CHAC2: variants seen among roughly 807,000 people sequenced by gnomAD.
CHAC2 encodes glutathione-specific gamma-glutamylcyclotransferase 2.
In CHAC2, 20 loss-of-function variants were observed where a neutral mutation model predicts 16.9. The ratio of observed to expected loss-of-function variants is 1.18; its 90% CI spans 0.83 to 1.72. The LOEUF (loss-of-function observed/expected upper bound fraction) is 1.72. Among genes scored for constraint, CHAC2 ranks in the 40% most tolerant of loss-of-function variants. The probability of loss-of-function intolerance (pLI) is 0.00; values close to 1 mark genes in which losing one functional copy is unlikely to be tolerated. For synonymous variants in CHAC2, 91 were observed against 77.3 expected (o/e 1.18, Z -0.93); for missense variants, 269 against 222.2 (o/e 1.21, Z -1.34).
Position 53,770,333 on chromosome 2 carries a change from T to C in CHAC2, c.136-1574T>C, listed in dbSNP as rs573000091. ...CGAACAGATGAAGACTAAAAGGAAA[T>C]AGCAACAAAGATGACACAAATGCCT... On this transcript the variant is annotated intron_variant, in intron 1 of 2. Transcript: ENST00000295304. Among the ~76,000 whole-genome samples the C allele has an allele frequency of 1.7e-4, 26 of 152,056 alleles. No individual in the cohort carries two copies. The East Asian group carries it at 5.0e-3, about 29-fold the overall frequency.
At position 53,770,178 on chromosome 2, in the gene CHAC2, G is replaced by A. The variant is rs569193673; in HGVS notation, c.136-1729G>A. Among the ~76,000 whole-genome samples, 191 of 152,142 alleles carry A rather than the reference G, an allele frequency of 1.3e-3. 1 individual carries two copies. Among genetic ancestry groups the A allele is most frequent in the Admixed American group, 2.8e-3 (43 of 15,282 alleles). Reference sequence around the variant, plus strand: ...AGAAATCTAAATGTCCAAGAACACAGGAACGTTTATAGTTCATCAATGACA... The same window carrying A: ...AGAAATCTAAATGTCCAAGAACACAAGAACGTTTATAGTTCATCAATGACA... On this transcript the variant is annotated intron_variant, in intron 1 of 2. Transcript: ENST00000295304.
chr2:53,772,536 G>A (rs1674016777), intron 2 of CHAC2, among the ~76,000 whole-genome samples: 1 of 151,046 alleles, frequency 6.6e-6, no homozygotes, highest in African/African-American at 2.4e-5. Flanking sequence ...TGACATTAAC[G>A]GAAATACCTG....
chr2:53,772,517 G>A (rs1035020032), intron 2 of CHAC2, among the ~76,000 whole-genome samples: 2 of 151,544 alleles, frequency 1.3e-5, no homozygotes, highest in Admixed American at 1.3e-4. Flanking sequence ...AGAATTTTGT[G>A]GTCCCCTTTG....
intron 2 of CHAC2, among the ~76,000 whole-genome samples, chr2:53,773,893 G>C (rs139563861): frequency 2.3e-4 from 35 of 152,130 alleles, no homozygotes; most frequent in African/African-American, 8.4e-4. Context: ...AAATTAGCTG[G>C]GCATGGTGGT....
chr2:53,769,875 G>C (rs922760183), intron 1 of CHAC2, among the ~76,000 whole-genome samples: 2 of 152,096 alleles, frequency 1.3e-5, no homozygotes, highest in African/African-American at 2.4e-5. Flanking sequence ...GTGTCTTTCT[G>C]ATCACCTAAG....
At chr2:53,774,113 A>G (rs760827663) in intron 2 of CHAC2, 29 bp from the exon 3 acceptor site, 4 of 1,554,244 alleles carry the variant, frequency 2.6e-6, no homozygotes, top group Non-Finnish European at 3.5e-6. Flanking sequence ...GCCTTATAAT[A>G]CCAGTGTATT....
chr2:53,768,168 C>CCCTGCCACCTG, intron 1 of CHAC2, 147 bp downstream of exon 1: 1 of 918,612 alleles, frequency 1.1e-6, no homozygotes, highest in South Asian at 1.9e-5. Context: ...TGTAGATTTT[C>CCCTGCCACCTG]CCTGCCACCT....
chr2:53,767,805 C>T lies in CHAC2; in HGVS notation c.-82C>T. 6.6e-7 allele frequency: 1 copy of T among 1,518,496 alleles called. No individual in the cohort carries two copies. 94.1% of individuals were successfully genotyped at this position (1,518,496 alleles called of 1,614,324 possible). A position where few individuals can be genotyped will look rare whatever the true frequency, so the allele number is the denominator to read the frequency against. ...CGCCTGCGCCCCGCGCGGCCGGTTA[C>T]TCGCTTACCGGAGGCTTCAGTCCCC... On this transcript the variant is annotated 5_prime_UTR_variant, in exon 1 of 3. Transcript: ENST00000295304.
At chr2:53,768,930 G>C (rs1673691959) in intron 1 of CHAC2, among the ~76,000 whole-genome samples, 1 of 152,222 alleles carries the variant, frequency 6.6e-6, no homozygotes. Context: ...AGGCGCTAAA[G>C]TAGTTTGCAC....
At chr2:53,772,268 G>C (rs547325889) in intron 2 of CHAC2, among the ~76,000 whole-genome samples, 1 of 151,980 alleles carries the variant, frequency 6.6e-6, no homozygotes, top group African/African-American at 2.4e-5. Flanking sequence ...TCCGCCTCCC[G>C]GGTTCACGCC....
chr2:53,768,116 G>A (rs1254043641), intron 1 of CHAC2, 95 bp downstream of exon 1: 3 of 1,420,034 alleles, frequency 2.1e-6, no homozygotes, highest in African/African-American at 2.8e-5. Flanking sequence ...CCACACCTTA[G>A]CGCTTCATGG....
rs111907231 is a variant in CHAC2, at chr2:53,774,808, C to A, written c.*283C>A. 96 of 254,002 alleles carry A rather than the reference C, an allele frequency of 3.8e-4. No homozygotes were observed. The highest frequency in any genetic ancestry group is 2.0e-3 in the African/African-American group (91 of 45,074). 15.7% of individuals were successfully genotyped at this position (254,002 alleles called of 1,614,324 possible). On this transcript the variant is annotated 3_prime_UTR_variant, in exon 3 of 3. Transcript: ENST00000295304. ...GGACTCAGTTCAGTCTTGTTTTTAT[C>A]AGAGTGATAATCATCCTGTTTCACA...
intron 2 of CHAC2, among the ~76,000 whole-genome samples, chr2:53,772,376 G>A (rs886550216): frequency 1.3e-5 from 2 of 151,962 alleles, no homozygotes; most frequent in Non-Finnish European, 2.9e-5. Context: ...AGGTTTCACC[G>A]TGTTAGCCAG....
Position 53,767,963 on chromosome 2 carries a change from C to T in CHAC2, c.77C>T (p.Thr26Ile), listed in dbSNP as rs767116178. 5.0e-6 allele frequency: 8 copies of T among 1,614,038 alleles called. No individual in the cohort carries two copies. The African/African-American group carries it at 1.1e-4, about 22-fold the overall frequency. The change falls in exon 1 of 3, where the codon ACC becomes ATC. Residue 26 changes from threonine to isoleucine, a missense_variant. Transcript: ENST00000295304. Reference sequence around the variant, plus strand: ...CAGGACAAGCTGGTCGGATACATCACCAACTACAGCAGGCGCTTCTGGCAG... The same window carrying T: ...CAGGACAAGCTGGTCGGATACATCATCAACTACAGCAGGCGCTTCTGGCAG... ...PYQDKLVGYI[T>I]NYSRRFWQGS...
chr2:53,772,470 A>G (rs752305621), intron 2 of CHAC2, among the ~76,000 whole-genome samples: 159 of 152,152 alleles, frequency 1.0e-3, no homozygotes, highest in Middle Eastern at 6.8e-3. Flanking sequence ...CACCGCGCCC[A>G]GCCGTGGGAT....
At position 53,767,966 on chromosome 2, in the gene CHAC2, A is replaced by G. The variant is rs772819706; in HGVS notation, c.80A>G (p.Asn27Ser). ...GACAAGCTGGTCGGATACATCACCA[A>G]CTACAGCAGGCGCTTCTGGCAGGGC... ...YQDKLVGYIT[N>S]YSRRFWQGST... Residue 27 changes from asparagine to serine, a missense_variant, in exon 1 of 3, where the codon AAC (asparagine) becomes AGC (serine). Transcript: ENST00000295304. 2.0e-5 allele frequency: 32 copies of G among 1,614,006 alleles called. No individual in the cohort carries two copies. In the South Asian group the frequency reaches 2.3e-4, roughly 12 times the overall value.
At chr2:53,769,637 G>A (rs982022181) in intron 1 of CHAC2, among the ~76,000 whole-genome samples, 1 of 152,118 alleles carries the variant, frequency 6.6e-6, no homozygotes, top group Non-Finnish European at 1.5e-5. Flanking sequence ...ACCTGAGGTC[G>A]GGAGTTCAAC....
chr2:53,774,238 A>C lies in CHAC2; in HGVS notation c.268A>C (p.Thr90Pro). 6.2e-7 allele frequency: 1 copy of C among 1,614,170 alleles called. No homozygotes were observed. The highest frequency in any genetic ancestry group is 1.7e-5 in the Admixed American group (1 of 60,028). The change falls in exon 3 of 3, where the codon ACA (threonine) becomes CCA (proline). Residue 90 changes from threonine to proline, a missense_variant. Coordinates refer to ENST00000295304, the MANE Select transcript of CHAC2 (RefSeq NM_001008708.4). ...DFREKGGYRT[T>P]TVIFYPKDPT... is the part of the protein sequence containing the mutation. ...CAGAGAAAAAGGAGGCTACAGAACC[A>C]CAACAGTCATTTTTTATCCAAAAGA...
intron 1 of CHAC2, 94 bp downstream of exon 1, chr2:53,768,115 A>G: frequency 7.0e-7 from 1 of 1,434,672 alleles, no homozygotes; most frequent in Non-Finnish European, 9.5e-7. Flanking sequence ...ACCACACCTT[A>G]GCGCTTCATG....
Sources: allele counts gnomAD v4.1 joint callset (sites outside exome capture counted in the v4.1 genomes callset), GRCh38; gene constraint gnomAD v4.1.1; transcripts MANE v1.5; gene names NCBI Gene and HGNC (gene_info 2026-07-23, HGNC 2026-07-21).